Variants in CACNA1A observed in about 807,000 individuals in gnomAD.
CACNA1A encodes voltage-dependent P/Q-type calcium channel subunit alpha-1A.
A neutral mutation model predicts 262.4 loss-of-function variants in CACNA1A; 57 were observed. The ratio of observed to expected loss-of-function variants is 0.22; its 90% CI spans 0.18 to 0.27. CACNA1A has a LOEUF of 0.27. Ranked by LOEUF, CACNA1A falls within the 10% of genes least tolerant of loss-of-function variation. CACNA1A has a pLI of 1.00. For missense variants in CACNA1A, 2,526 were observed against 3,562.8 expected (o/e 0.71, Z 7.41); for synonymous variants, 1,431 against 1,419.3 (o/e 1.01, Z -0.18).
At position 13,207,321 on chromosome 19, in the gene CACNA1A, AATC is replaced by A; in HGVS notation, c.7510_7512del (p.Asp2504del). 1 of 1,559,270 alleles carries A rather than the reference AATC, an allele frequency of 6.4e-7. No homozygotes were observed. On this transcript the variant is annotated inframe_deletion, in exon 47 of 47. Transcript: ENST00000360228. This position sits in a 1 kb window ranked among gnomAD's most constrained non-coding sequence, Gnocchi z 5.7. ...CGCCACCTCGCCCGGGCTTAGCACC[AATC>A]ATCGTCACTCTCGCTGTAGGGTTCG...
intron 24 of CACNA1A, among the ~76,000 whole-genome samples, chr19:13,265,585 A>G (rs780034782): frequency 6.6e-6 from 1 of 152,166 alleles, no homozygotes; most frequent in Non-Finnish European, 1.5e-5. Flanking sequence ...ACAGTCACTG[A>G]GATAATTTTA....
chr19:13,401,117 GCCT>G (rs2059893001), intron 3 of CACNA1A, among the ~76,000 whole-genome samples: 1 of 152,132 alleles, frequency 6.6e-6, no homozygotes, highest in Non-Finnish European at 1.5e-5. Context: ...AGCCACTGTT[GCCT>G]GTCCAGGACT....
rs185968448 is a variant in CACNA1A at position 13,430,901 on chromosome 19, G to C, written c.539+21975C>G. Among the ~76,000 whole-genome samples, 6 of 152,126 alleles carry C rather than the reference G, an allele frequency of 3.9e-5. No homozygotes were observed. In the East Asian group the frequency reaches 1.2e-3, roughly 30 times the overall value. ...TGAGCAAAGACCCAAAGGAAGTGAG[G>C]GGGGAGCCAAGCAGATATCTGGGGG... On this transcript the variant is annotated intron_variant, in intron 3 of 46. Coordinates refer to ENST00000360228, the MANE Select transcript of CACNA1A (RefSeq NM_001127222.2).
chr19:13,291,278 G>GGGGTGA (rs2057531410), intron 19 of CACNA1A, among the ~76,000 whole-genome samples: 3 of 152,020 alleles, frequency 2.0e-5, no homozygotes, highest in African/African-American at 7.2e-5. Flanking sequence ...GGATTATGTG[G>GGGGTGA]GGGTGATAAT....
In CACNA1A at chr19:13,255,183, T is replaced by G; in HGVS notation, c.4667A>C (p.Tyr1556Ser). Residue 1556 changes from tyrosine (Y) to serine (S), a missense_variant, in exon 29 of 47, where the codon TAC becomes TCC. By Grantham distance (144) the Tyr-to-Ser change is moderately radical. This residue lies in a region of CACNA1A where 36 missense variants were observed against 47.3 expected (regional missense o/e 0.76). Transcript: ENST00000360228. ...HMPQNKQSFQ[Y>S]RMWQFVVSPP... is the part of the protein sequence containing the mutation. ...AGACACCACGAACTGCCACATGCGGTACTGGAAGCTCTGCTTGTTCTGCGG... is the reference window on the plus strand; with the variant it reads ...AGACACCACGAACTGCCACATGCGGGACTGGAAGCTCTGCTTGTTCTGCGG... 6.2e-7 allele frequency: 1 copy of G among 1,613,710 alleles called. No individual in the cohort carries two copies. Among genetic ancestry groups the G allele is most frequent in the Non-Finnish European group, 8.5e-7 (1 of 1,179,684 alleles).
chr19:13,402,542 A>C lies in CACNA1A; in HGVS notation c.540-30763T>G, dbSNP rs1452331188. ...TACCCCAATAACTTATGGAAAAATAAAATTAAAAAAAAGAAAAAAGAAAAT... is the reference window on the plus strand; with the variant it reads ...TACCCCAATAACTTATGGAAAAATACAATTAAAAAAAAGAAAAAAGAAAAT... On this transcript the variant is annotated intron_variant, in intron 3 of 46. Transcript: ENST00000360228. 2.0e-5 allele frequency among the ~76,000 whole-genome samples: 3 copies of C among 151,862 alleles called. No homozygotes were observed. In the East Asian group the frequency reaches 5.8e-4, roughly 29 times the overall value.
At chr19:13,326,813 C>T (rs2058371623) in intron 10 of CACNA1A, among the ~76,000 whole-genome samples, 1 of 149,276 alleles carries the variant, frequency 6.7e-6, no homozygotes, top group Admixed American at 6.7e-5. Context: ...AAGGACTGTG[C>T]ATACTGTGGT....
At chr19:13,349,830 G>A (rs1370107836) in intron 6 of CACNA1A, among the ~76,000 whole-genome samples, 1 of 152,172 alleles carries the variant, frequency 6.6e-6, no homozygotes, top group East Asian at 1.9e-4. Flanking sequence ...ATCCCAGGCT[G>A]ATGCCTAGGG....
chr19:13,318,127 A>ATTT lies in CACNA1A; in HGVS notation c.1346-809_1346-807dup, dbSNP rs35082039. 8.4e-3 allele frequency among the ~76,000 whole-genome samples: 1,272 copies of ATTT among 151,174 alleles called. 24 individuals carry two copies. Among genetic ancestry groups the ATTT allele is most frequent in the African/African-American group, 0.029 (1,190 of 41,170 alleles). On this transcript the variant is annotated intron_variant, in intron 10 of 46. Coordinates refer to ENST00000360228, the MANE Select transcript of CACNA1A (RefSeq NM_001127222.2). ...GCGAGACAAGTTCTTTTAAATAACA[A>ATTT]TTTTTTTTTTAAGAGAAAAAGTAAA...
At chr19:13,395,920 G>A (rs969624026) in intron 3 of CACNA1A, among the ~76,000 whole-genome samples, 1 of 152,110 alleles carries the variant, frequency 6.6e-6, no homozygotes, top group Non-Finnish European at 1.5e-5. Context: ...GCCCTTTTTG[G>A]GTTTCCCCAC....
At chr19:13,402,873 C>CACATATAT (rs1201892162) in intron 3 of CACNA1A, among the ~76,000 whole-genome samples, 85 of 72,770 alleles carry the variant, frequency 1.2e-3, no homozygotes, top group Non-Finnish European at 1.8e-3. Context: ...CACACACACA[C>CACATATAT]ATATATATAT....
chr19:13,347,844 G>C (rs1423691267), intron 6 of CACNA1A, among the ~76,000 whole-genome samples: 1 of 152,188 alleles, frequency 6.6e-6, no homozygotes, highest in Non-Finnish European at 1.5e-5. Flanking sequence ...GAATGAAAAA[G>C]GGCATGGGTC....
Position 13,214,398 on chromosome 19 carries a change from C to T in CACNA1A, c.5840-65G>A, listed in dbSNP as rs2054923062. The T allele has an allele frequency of 6.4e-7, 1 of 1,561,462 alleles. No individual in the cohort carries two copies. The highest frequency in any genetic ancestry group is 8.8e-7 in the Non-Finnish European group (1 of 1,136,736). On this transcript the variant is annotated intron_variant, in intron 39 of 46. Transcript: ENST00000360228. The surrounding 1 kb of genome is among the most constrained non-coding windows in gnomAD (Gnocchi z 4.1). The stretch of plus-strand genomic sequence containing the variant: ...TCTTTGGGGCCCTTGTCCTGGGTCC[C>T]TGTGTATACCAGCCCAGGCCAACAC...
chr19:13,453,744 G>T (rs1025535199), intron 2 of CACNA1A, among the ~76,000 whole-genome samples: 4 of 152,120 alleles, frequency 2.6e-5, no homozygotes, highest in Non-Finnish European at 5.9e-5. Context: ...GCCCCAATGT[G>T]AATGTTTTCC....
chr19:13,458,559 G>A (rs1006928444), intron 1 of CACNA1A, among the ~76,000 whole-genome samples: 1 of 152,012 alleles, frequency 6.6e-6, no homozygotes, highest in Non-Finnish European at 1.5e-5. Flanking sequence ...TCCAAGACCC[G>A]AGGCAGGGGA....
chr19:13,457,131 G>A (rs1489486522), intron 1 of CACNA1A, among the ~76,000 whole-genome samples: 1 of 152,036 alleles, frequency 6.6e-6, no homozygotes, highest in Non-Finnish European at 1.5e-5. Context: ...CAGGCCTGTA[G>A]TGCCAGCTAC....
intron 4 of CACNA1A, among the ~76,000 whole-genome samples, chr19:13,368,588 G>A (rs564262974): frequency 6.6e-6 from 1 of 152,312 alleles, no homozygotes; most frequent in African/African-American, 2.4e-5. Flanking sequence ...TACTAGGAAA[G>A]TCTATGATCA....
At chr19:13,259,977 C>T in intron 26 of CACNA1A, 1 of 355,702 alleles carries the variant, frequency 2.8e-6, no homozygotes, top group Admixed American at 4.1e-5. Context: ...AACGTGATAA[C>T]TTCTAGTCCT....
intron 15 of CACNA1A, among the ~76,000 whole-genome samples, chr19:13,307,123 AATTATT>A (rs1464454690): frequency 6.6e-6 from 1 of 151,644 alleles, no homozygotes; most frequent in African/African-American, 2.4e-5. Context: ...ATGCCCAGCT[AATTATT>A]ATTATTATTT....
Sources: allele counts gnomAD v4.1 joint callset (sites outside exome capture counted in the v4.1 genomes callset), GRCh38; gene constraint gnomAD v4.1.1; regional missense constraint gnomAD v4.1.1; non-coding constraint Gnocchi (gnomAD v3.1); transcripts MANE v1.5; gene names NCBI Gene and HGNC (gene_info 2026-07-23, HGNC 2026-07-21).